The following ALDH1L1 variants were observed in gnomAD, a reference collection of about 807,000 sequenced individuals.
ALDH1L1 encodes the protein aldehyde dehydrogenase 1 family member L1.
Under a neutral mutation model 101.1 loss-of-function variants are expected in ALDH1L1, and 68 were observed. The observed-to-expected ratio is 0.67, with a 90% CI of 0.55 to 0.82. The LOEUF (loss-of-function observed/expected upper bound fraction) is 0.82, where lower values mean the gene tolerates loss of function less well. ALDH1L1 is among the 40% of genes least tolerant of loss of function. The pLI is 0.00. For missense variants in ALDH1L1, 1,087 were observed against 1,172.7 expected, an observed-to-expected ratio of 0.93 and a Z score of 1.07; for synonymous variants, 486 against 470.8, an observed-to-expected ratio of 1.03 and a Z score of -0.42.
chr3:126,131,421 G>T lies in ALDH1L1; in HGVS notation c.1586C>A (p.Thr529Asn). 6.2e-7 allele frequency: 1 copy of T among 1,612,482 alleles called. No individual in the cohort carries two copies. The highest frequency in any genetic ancestry group is 8.5e-7 in the Non-Finnish European group (1 of 1,178,672). Residue 529 changes from threonine (T) to asparagine (N), a missense_variant, in exon 13 of 23, where the codon ACC becomes AAC. Physicochemically the swap from Thr to Asn is moderately conservative, Grantham distance 65. This residue lies in a region of ALDH1L1 where 442 missense variants were observed against 535.7 expected (regional missense o/e 0.83). Transcript: ENST00000393434. ...LKTHVGMSIQTFRYFAGWCDK... is the reference protein window; with the variant it reads ...LKTHVGMSIQNFRYFAGWCDK... ...ACACCAGCCAGCAAAGTAGCGGAAG[G>T]TCTGGATGGACATGCCCACGTGGGT...
Position 126,105,937 on chromosome 3 carries a change from G to C in ALDH1L1, c.2454-12C>G. On this transcript the variant is annotated splice_polypyrimidine_tract_variant and intron_variant, in intron 21 of 22. Coordinates refer to ENST00000393434, the MANE Select transcript of ALDH1L1 (RefSeq NM_012190.4). ...CGGCATCCAAGTCCCTGGAGAGAAAGTCCAGGAAGAACTCCCTGAGGGAGG... is the reference window on the plus strand; with the variant it reads ...CGGCATCCAAGTCCCTGGAGAGAAACTCCAGGAAGAACTCCCTGAGGGAGG... 1 of 1,610,442 alleles carries C rather than the reference G, an allele frequency of 6.2e-7. No homozygotes were observed. Among genetic ancestry groups the C allele is most frequent in the Non-Finnish European group, 8.5e-7 (1 of 1,177,106 alleles).
intron 1 of ALDH1L1, among the ~76,000 whole-genome samples, chr3:126,172,931 G>A (rs1305383516): frequency 6.6e-6 from 1 of 151,988 alleles, no homozygotes; most frequent in African/African-American, 2.4e-5. Context: ...ATGCAATCAG[G>A]AATAGAATAG....
In ALDH1L1 at chr3:126,153,556, A is replaced by C. The variant is rs1396594067; in HGVS notation, c.746T>G (p.Leu249Arg). 1.2e-6 allele frequency: 2 copies of C among 1,612,648 alleles called. No homozygotes were observed. The highest frequency in any genetic ancestry group is 1.7e-6 in the Non-Finnish European group (2 of 1,179,430). The change falls in exon 7 of 23, where the codon CTG becomes CGG. Residue 249 changes from leucine (L) to arginine (R), a missense_variant. Transcript: ENST00000393434. Reference protein sequence around the residue: ...EQKLTFFNSTLNTSGLVPEGD... With the variant: ...EQKLTFFNSTRNTSGLVPEGD... Reference sequence around the variant, plus strand: ...CTCGGGCACCAGGCCTGAAGTGTTCAGCGTTGAGTTGAAAAATGTCAGTTT... The same window carrying C: ...CTCGGGCACCAGGCCTGAAGTGTTCCGCGTTGAGTTGAAAAATGTCAGTTT...
chr3:126,166,634 A>G (rs952377399), intron 1 of ALDH1L1, among the ~76,000 whole-genome samples: 1 of 152,142 alleles, frequency 6.6e-6, no homozygotes, highest in Non-Finnish European at 1.5e-5. Context: ...AATTTCATAA[A>G]CCATGTTTTT....
At chr3:126,132,984 C>T (rs781062149) in intron 12 of ALDH1L1, among the ~76,000 whole-genome samples, 3 of 152,150 alleles carry the variant, frequency 2.0e-5, no homozygotes, top group Non-Finnish European at 2.9e-5. Context: ...TGAGAAAAAC[C>T]GATTTTGTAC....
rs768080978 is a variant in ALDH1L1 at position 126,153,449 on chromosome 3, T to C, written c.853A>G (p.Lys285Glu). 1.4e-5 allele frequency: 22 copies of C among 1,613,868 alleles called. No individual in the cohort carries two copies. Among genetic ancestry groups the C allele is most frequent in the Non-Finnish European group, 1.9e-5 (22 of 1,180,028 alleles). Residue 285 changes from lysine (K) to glutamate (E), a missense_variant, in exon 7 of 23, where the codon AAA becomes GAA. Coordinates refer to ENST00000393434, the MANE Select transcript of ALDH1L1 (RefSeq NM_012190.4). ...AGLILFGNDD[K>E]MLLVKNIQLE... ...ACCCACAGCCGTGCCCTTACCATTTTGTCATCATTCCCAAAGAGGATGAGT... is the reference window on the plus strand; with the variant it reads ...ACCCACAGCCGTGCCCTTACCATTTCGTCATCATTCCCAAAGAGGATGAGT...
rs1183144553 is a variant in ALDH1L1, at chr3:126,154,575, G to C, written c.699C>G (p.Ala233=). ...ACACCTGTTCACAGGCCTCTGTCCA[G>C]GCTCCCGGCACCTTGTCGTTCCCGC... The part of the protein sequence containing the change: ...WIRGNDKVPG[A]WTEACEQKLT... The change falls in exon 6 of 23, where the codon GCC becomes GCG. Residue 233 remains alanine (A), a synonymous_variant. Transcript: ENST00000393434. The C allele has an allele frequency of 1.5e-5, 25 of 1,614,078 alleles. No homozygotes were observed. The highest frequency in any genetic ancestry group is 2.0e-5 in the Non-Finnish European group (24 of 1,180,028).
chr3:126,175,966 AAAT>A (rs377625821), intron 1 of ALDH1L1, among the ~76,000 whole-genome samples: 10 of 152,216 alleles, frequency 6.6e-5, no homozygotes, highest in African/African-American at 2.4e-4. Context: ...AGAAAACTGG[AAAT>A]AATAAGTTAT....
At chr3:126,197,252 G>A (rs1261541558) in intron 1 of ALDH1L1, among the ~76,000 whole-genome samples, 6 of 152,086 alleles carry the variant, frequency 3.9e-5, no homozygotes, top group African/African-American at 1.4e-4. Context: ...GCTGCCTCCC[G>A]GGCCTAATGT....
chr3:126,194,064 C>T (rs2081567965), intron 1 of ALDH1L1, among the ~76,000 whole-genome samples: 1 of 152,122 alleles, frequency 6.6e-6, no homozygotes. Flanking sequence ...AAAACTGCAT[C>T]AGCACTAAGC....
chr3:126,123,259 T>G (rs1210748779), intron 16 of ALDH1L1, among the ~76,000 whole-genome samples: 1 of 19,486 alleles, frequency 5.1e-5, no homozygotes, highest in South Asian at 7.3e-4. Context: ...CCAAAACTCT[T>G]TTTTTTTTTT....
chr3:126,155,845 G>A (rs570673119), intron 4 of ALDH1L1: 1 of 170,948 alleles, frequency 5.8e-6, no homozygotes, highest in African/African-American at 2.4e-5. Context: ...TGCCTTTAAA[G>A]AGAGTGGGTC....
rs1368238394 is a variant in ALDH1L1, at chr3:126,180,535, C to G, written c.-83G>C. On this transcript the variant is annotated 5_prime_UTR_variant, in exon 1 of 23. Transcript: ENST00000393434. ...GTTAGACTTCTGTGAGCCGCAGCCCCGAAACTGAGGTTGGTGCAGACCCGT... is the reference window on the plus strand; with the variant it reads ...GTTAGACTTCTGTGAGCCGCAGCCCGGAAACTGAGGTTGGTGCAGACCCGT... The G allele has an allele frequency of 1.9e-6, 2 of 1,026,422 alleles. No individual in the cohort carries two copies. The highest frequency in any genetic ancestry group is 3.4e-5 in the African/African-American group (2 of 59,004). 63.6% of individuals were successfully genotyped at this position (1,026,422 alleles called of 1,614,324 possible). A position where few individuals can be genotyped will look rare whatever the true frequency, so the allele number is the denominator to read the frequency against.
At chr3:126,188,710 A>G (rs2081535313) in intron 1 of ALDH1L1, among the ~76,000 whole-genome samples, 1 of 152,182 alleles carries the variant, frequency 6.6e-6, no homozygotes, top group East Asian at 1.9e-4. Context: ...TGTCATTCCA[A>G]TAAATAGATA....
At position 126,155,341 on chromosome 3, in the gene ALDH1L1, C is replaced by T; in HGVS notation, c.630+61G>A. The T allele has an allele frequency of 3.4e-6, 5 of 1,477,834 alleles. No homozygotes were observed. The South Asian group carries it at 6.3e-5, about 19-fold the overall frequency. The allele number at this position is 1,477,834 out of a possible 1,614,324, so 91.5% of individuals were successfully genotyped here. On this transcript the variant is annotated intron_variant, in intron 5 of 22. Transcript: ENST00000393434. ...GCTGAACCCCAGCCTCCTCAGGCTG[C>T]CCTCTACAACCCCAGTCTGCTCACA...
chr3:126,192,541 A>C, intron 1 of ALDH1L1, among the ~76,000 whole-genome samples: 1 of 152,230 alleles, frequency 6.6e-6, no homozygotes, highest in East Asian at 1.9e-4. Context: ...TCAGGAGGTC[A>C]GGAAATTCTA....
chr3:126,161,929 C>T (rs867508073), intron 1 of ALDH1L1, among the ~76,000 whole-genome samples: 8 of 97,170 alleles, frequency 8.2e-5, no homozygotes, highest in South Asian at 3.3e-4. Flanking sequence ...CGAATGGTTT[C>T]GCTTGATATA....
chr3:126,164,812 A>G (rs1418817502), intron 1 of ALDH1L1, among the ~76,000 whole-genome samples: 1 of 152,222 alleles, frequency 6.6e-6, no homozygotes, highest in African/African-American at 2.4e-5. Context: ...AGAAACTTCC[A>G]CAGTGGCTGA....
At chr3:126,120,962 T>C (rs2080067712) in intron 16 of ALDH1L1, among the ~76,000 whole-genome samples, 1 of 152,158 alleles carries the variant, frequency 6.6e-6, no homozygotes, top group Non-Finnish European at 1.5e-5. Context: ...TAGGTCACCA[T>C]CCTAACCCCC....
Sources: allele counts gnomAD v4.1 joint callset (sites outside exome capture counted in the v4.1 genomes callset), GRCh38; gene constraint gnomAD v4.1.1; regional missense constraint gnomAD v4.1.1; transcripts MANE v1.5; gene names NCBI Gene and HGNC (gene_info 2026-07-23, HGNC 2026-07-21).